The following INTU variants were observed in gnomAD, a reference collection of about 807,000 sequenced individuals.
The protein encoded by INTU is inturned planar cell polarity protein.
Under a neutral mutation model 100.5 loss-of-function variants are expected in INTU, and 68 were observed. The observed-to-expected ratio is 0.68, with a 90% CI of 0.56 to 0.83. The LOEUF is 0.83. Ranked by LOEUF, INTU falls within the 40% of genes least tolerant of loss-of-function variation. The pLI, the probability that INTU is intolerant of heterozygous loss-of-function variation, is 0.00. For synonymous variants in INTU, 357 were observed against 395.7 expected, an observed-to-expected ratio of 0.90 and a Z score of 1.16; for missense variants, 1,071 against 1,114.7, an observed-to-expected ratio of 0.96 and a Z score of 0.56.
intron 1 of INTU, among the ~76,000 whole-genome samples, chr4:127,641,242 G>A (rs1211584203): frequency 6.6e-6 from 1 of 152,020 alleles, no homozygotes; most frequent in African/African-American, 2.4e-5. Context: ...TATCTAACAC[G>A]TAAACTCTCT....
chr4:127,702,570 G>A (rs577667320), intron 9 of INTU, among the ~76,000 whole-genome samples: 1 of 152,074 alleles, frequency 6.6e-6, no homozygotes. Flanking sequence ...AATTTTGGTG[G>A]CACTTACATA....
At chr4:127,641,168 C>A (rs932634683) in intron 1 of INTU, among the ~76,000 whole-genome samples, 7 of 152,168 alleles carry the variant, frequency 4.6e-5, no homozygotes, top group African/African-American at 1.7e-4. Flanking sequence ...AGCCCTCCTG[C>A]CTTGAGTCTT....
chr4:127,706,261 G>A lies in INTU; in HGVS notation c.1789-226G>A, dbSNP rs570330795. On this transcript the variant is annotated intron_variant, in intron 11 of 15. Coordinates refer to ENST00000335251, the MANE Select transcript of INTU (RefSeq NM_015693.4). Reference sequence around the variant, plus strand: ...GGGAATTCTGTGTCTCAAAAGAAGTGGTTTGATGGTATATCAAGATAAGGC... The same window carrying A: ...GGGAATTCTGTGTCTCAAAAGAAGTAGTTTGATGGTATATCAAGATAAGGC... 9.2e-5 allele frequency among the ~76,000 whole-genome samples: 14 copies of A among 152,202 alleles called. No homozygotes were observed. In the South Asian group the frequency reaches 2.9e-3, roughly 32 times the overall value.
Position 127,710,886 on chromosome 4 carries a change from T to TTCTCTTTGA in INTU, c.2370-25_2370-17dup, listed in dbSNP as rs201963422. Reference sequence around the variant, plus strand: ...AAAATTTACTAAAATTTCTTTTTTCTTCTCTTTGATTTTTTTTCTTTTTAA... The same window carrying TTCTCTTTGA: ...AAAATTTACTAAAATTTCTTTTTTCTTCTCTTTGATCTCTTTGATTTTTTTTCTTTTTAA... On this transcript the variant is annotated intron_variant, in intron 13 of 15. Coordinates refer to ENST00000335251, the MANE Select transcript of INTU (RefSeq NM_015693.4). 1.1e-3 allele frequency: 1,538 copies of TTCTCTTTGA among 1,398,550 alleles called. 31 individuals carry two copies. In the East Asian group the frequency reaches 0.032, roughly 29 times the overall value. The allele number at this position is 1,398,550 out of a possible 1,614,324, so 86.6% of individuals were successfully genotyped here.
chr4:127,707,392 C>CAAAAAAAAAAAAAAAAAA (rs71587331), intron 12 of INTU, among the ~76,000 whole-genome samples: 1 of 44,588 alleles, frequency 2.2e-5, no homozygotes, highest in Non-Finnish European at 3.8e-5. Flanking sequence ...GACTCTGTCT[C>CAAAAAAAAAAAAAAAAAA]AAAAAAAAAA....
rs369283184 is a variant in INTU, at chr4:127,705,828, C to A, written c.1788+16C>A. On this transcript the variant is annotated intron_variant, in intron 11 of 15. Coordinates refer to ENST00000335251, the MANE Select transcript of INTU (RefSeq NM_015693.4). ...TGTTGGCTTGGTAAGTTTACCTCAG[C>A]TTCTTTCTTAGGATTTTTCTTCTTT... is the stretch of plus-strand genomic sequence containing the variant. 3.1e-6 allele frequency: 5 copies of A among 1,590,188 alleles called. No homozygotes were observed. The African/African-American group carries it at 5.4e-5, about 17-fold the overall frequency.
intron 14 of INTU, among the ~76,000 whole-genome samples, chr4:127,712,969 T>G (rs1266562126): frequency 6.6e-6 from 1 of 152,180 alleles, no homozygotes; most frequent in Non-Finnish European, 1.5e-5. Context: ...AACCATCCCC[T>G]AGGGGCTGGG....
At chr4:127,671,162 A>G (rs1728908939) in intron 5 of INTU, among the ~76,000 whole-genome samples, 1 of 152,098 alleles carries the variant, frequency 6.6e-6, no homozygotes, top group Admixed American at 6.6e-5. Context: ...GAAATAGTCC[A>G]GAGTCAATAG....
intron 4 of INTU, among the ~76,000 whole-genome samples, chr4:127,667,479 A>G (rs1728746696): frequency 6.6e-6 from 1 of 152,108 alleles, no homozygotes; most frequent in South Asian, 2.1e-4. Flanking sequence ...AAATGTCATA[A>G]GGTCATTTTG....
rs1731272006 is a variant in INTU, at chr4:127,716,691, T to C, written c.*255T>C. 1 of 232,600 alleles carries C rather than the reference T, an allele frequency of 4.3e-6. No homozygotes were observed. Among genetic ancestry groups the C allele is most frequent in the Non-Finnish European group, 8.3e-6 (1 of 121,162 alleles). 14.4% of individuals were successfully genotyped at this position (232,600 alleles called of 1,614,324 possible). A position where few individuals can be genotyped will look rare whatever the true frequency, so the allele number is the denominator to read the frequency against. On this transcript the variant is annotated 3_prime_UTR_variant, in exon 16 of 16. Transcript: ENST00000335251. Reference sequence around the variant, plus strand: ...GTTAACTTATTGCTATTTTGGTATATAATGTTAATTTATTGACTAGTTTGA... The same window carrying C: ...GTTAACTTATTGCTATTTTGGTATACAATGTTAATTTATTGACTAGTTTGA...
At chr4:127,642,661 T>C (rs1727383718) in intron 1 of INTU, among the ~76,000 whole-genome samples, 1 of 152,170 alleles carries the variant, frequency 6.6e-6, no homozygotes, top group South Asian at 2.1e-4. Flanking sequence ...CTTTAAAGAA[T>C]AGCAGTTTGA....
intron 2 of INTU, among the ~76,000 whole-genome samples, chr4:127,654,664 T>C (rs1384563455): frequency 1.3e-5 from 2 of 149,594 alleles, no homozygotes; most frequent in Non-Finnish European, 3.0e-5. Flanking sequence ...CATTTTTTCC[T>C]TCATTTCAAC....
chr4:127,654,450 TGTAAA>T (rs1728075758), intron 2 of INTU, among the ~76,000 whole-genome samples: 1 of 152,212 alleles, frequency 6.6e-6, no homozygotes, highest in African/African-American at 2.4e-5. Flanking sequence ...TTTGCTTATC[TGTAAA>T]GTATTTTATT....
chr4:127,683,649 ATG>A (rs778430929), intron 6 of INTU, among the ~76,000 whole-genome samples: 7 of 152,152 alleles, frequency 4.6e-5, no homozygotes, highest in Non-Finnish European at 1.0e-4. Flanking sequence ...ATCGAGGGAC[ATG>A]TGTTTTCAGA....
intron 3 of INTU, among the ~76,000 whole-genome samples, chr4:127,662,572 A>G (rs564038309): frequency 6.6e-6 from 1 of 152,218 alleles, no homozygotes; most frequent in African/African-American, 2.4e-5. Flanking sequence ...AGGATAGGTA[A>G]TTTTAATACT....
chr4:127,701,460 T>A (rs1730645688), intron 9 of INTU, among the ~76,000 whole-genome samples: 1 of 152,172 alleles, frequency 6.6e-6, no homozygotes, highest in South Asian at 2.1e-4. Flanking sequence ...ATGAGTCTCA[T>A]ACATTCAAGG....
rs189609258 is a variant in INTU, at chr4:127,642,417, T to A, written c.147-1104T>A. Among the ~76,000 whole-genome samples, 7 of 152,236 alleles carry A rather than the reference T, an allele frequency of 4.6e-5. No individual in the cohort carries two copies. The East Asian group carries it at 1.3e-3, about 29-fold the overall frequency. ...AGACCAGGGCAGTGGTTAGTTTGAG[T>A]TGAGTAATAGAATAGTATATTTTGG... On this transcript the variant is annotated intron_variant, in intron 1 of 15. Transcript: ENST00000335251.
chr4:127,678,591 C>G (rs1729352495), intron 6 of INTU, among the ~76,000 whole-genome samples: 1 of 152,070 alleles, frequency 6.6e-6, no homozygotes, highest in Non-Finnish European at 1.5e-5. Context: ...TAAAAGAGCT[C>G]CTGAAGGAAG....
chr4:127,661,174 G>A (rs1007994891), intron 3 of INTU, among the ~76,000 whole-genome samples: 1 of 151,966 alleles, frequency 6.6e-6, no homozygotes, highest in Admixed American at 6.6e-5. Context: ...TTTTTGTTGT[G>A]GTGAGACAAA....
Sources: allele counts gnomAD v4.1 joint callset (sites outside exome capture counted in the v4.1 genomes callset), GRCh38; gene constraint gnomAD v4.1.1; transcripts MANE v1.5; gene names NCBI Gene and HGNC (gene_info 2026-07-23, HGNC 2026-07-21).